The following PTPRT variants were observed in gnomAD, a reference collection of about 807,000 sequenced individuals.
PTPRT encodes receptor-type tyrosine-protein phosphatase T.
A neutral mutation model predicts 176.8 loss-of-function variants in PTPRT; 56 were observed. The ratio of observed to expected loss-of-function variants is 0.32; its 90% CI spans 0.26 to 0.40. PTPRT has a LOEUF of 0.40. Among genes scored for constraint, PTPRT ranks in the 10% least tolerant of loss-of-function variants. The probability of loss-of-function intolerance (pLI) is 1.00; values close to 1 mark genes in which losing one functional copy is unlikely to be tolerated. For synonymous variants in PTPRT, 783 were observed against 739.0 expected, an observed-to-expected ratio of 1.06 and a Z score of -0.96; for missense variants, 1,540 against 1,908.2, an observed-to-expected ratio of 0.81 and a Z score of 3.60.
At chr20:42,053,403 A>G in the PTPRT span, among the ~76,000 whole-genome samples, 3 of 152,134 alleles carry the variant, frequency 2.0e-5, no homozygotes, top group Non-Finnish European at 4.4e-5. Flanking sequence ...CCTTGCTATA[A>G]TACCACTGTA....
intron 9 of PTPRT, among the ~76,000 whole-genome samples, chr20:42,362,200 G>A (rs771910331): frequency 2.6e-5 from 4 of 152,262 alleles, no homozygotes; most frequent in African/African-American, 9.6e-5. Flanking sequence ...CAGGGAGGTC[G>A]AGGCTGCGGT....
chr20:42,971,798 G>C (rs1333802106), intron 1 of PTPRT, among the ~76,000 whole-genome samples: 1 of 152,078 alleles, frequency 6.6e-6, no homozygotes. Flanking sequence ...ATATGGGCTA[G>C]AGCAGTCCTG....
In PTPRT at chr20:42,945,652, C is replaced by T. The variant is rs144037646; in HGVS notation, c.89-59720G>A. ...CGGGGTCACTGCCCCTTGTGCTGGACCCAGGGCTCTGTGCTCTGCATCAGA... is the reference window on the plus strand; with the variant it reads ...CGGGGTCACTGCCCCTTGTGCTGGATCCAGGGCTCTGTGCTCTGCATCAGA... On this transcript the variant is annotated intron_variant, in intron 1 of 30. Coordinates refer to ENST00000373187, the MANE Select transcript of PTPRT (RefSeq NM_007050.6). 2.5e-3 allele frequency among the ~76,000 whole-genome samples: 385 copies of T among 152,326 alleles called. 1 individual carries two copies. Among genetic ancestry groups the T allele is most frequent in the Non-Finnish European group, 3.5e-3 (237 of 68,024 alleles).
At chr20:42,991,163 G>A (rs1442770151) in intron 1 of PTPRT, among the ~76,000 whole-genome samples, 1 of 152,140 alleles carries the variant, frequency 6.6e-6, no homozygotes, top group Admixed American at 6.5e-5. Flanking sequence ...GTTAAGGGTT[G>A]TAGTTACATT....
At chr20:42,598,803 C>A (rs138156657) in intron 7 of PTPRT, among the ~76,000 whole-genome samples, 11 of 152,276 alleles carry the variant, frequency 7.2e-5, no homozygotes, top group African/African-American at 2.6e-4. Context: ...CTTAACAGTG[C>A]CTTCTATTGT....
chr20:42,473,072 C>T (rs181875495), intron 7 of PTPRT, among the ~76,000 whole-genome samples: 106 of 152,290 alleles, frequency 7.0e-4, no homozygotes, highest in African/African-American at 2.5e-3. Flanking sequence ...ACCCGCAACA[C>T]CCAGTTTATC....
intron 1 of PTPRT, among the ~76,000 whole-genome samples, chr20:42,928,777 C>A (rs779630293): frequency 2.0e-5 from 3 of 152,194 alleles, no homozygotes; most frequent in Non-Finnish European, 4.4e-5. Flanking sequence ...TGAGAAACGT[C>A]CCTCCCTTCC....
At chr20:42,714,099 C>G (rs1343479105) in intron 6 of PTPRT, among the ~76,000 whole-genome samples, 1 of 152,178 alleles carries the variant, frequency 6.6e-6, no homozygotes, top group Non-Finnish European at 1.5e-5. Flanking sequence ...ATTTCCCATG[C>G]AGCTGTTGGG....
intron 7 of PTPRT, among the ~76,000 whole-genome samples, chr20:42,549,483 C>A (rs2072731248): frequency 6.6e-6 from 1 of 152,044 alleles, no homozygotes; most frequent in South Asian, 2.1e-4. Context: ...AAGAGGGTTA[C>A]TCAATAAAAG....
chr20:42,473,574 C>T (rs776689510), intron 7 of PTPRT, among the ~76,000 whole-genome samples: 3 of 152,118 alleles, frequency 2.0e-5, no homozygotes, highest in Non-Finnish European at 4.4e-5. Context: ...CTCCTAGGCT[C>T]AAGCAATCAT....
At chr20:42,328,832 T>C (rs367933866) in intron 11 of PTPRT, among the ~76,000 whole-genome samples, 171 of 152,290 alleles carry the variant, frequency 1.1e-3, no homozygotes, top group Non-Finnish European at 2.1e-3. Flanking sequence ...AAACAAGAGC[T>C]ATTGCAACTG....
intron 9 of PTPRT, among the ~76,000 whole-genome samples, chr20:42,421,740 T>A (rs1018480769): frequency 1.3e-5 from 2 of 152,090 alleles, no homozygotes; most frequent in Admixed American, 6.5e-5. Flanking sequence ...AAACCCTGAA[T>A]AGCCAACACA....
At chr20:42,796,733 C>A (rs1398149932) in intron 2 of PTPRT, among the ~76,000 whole-genome samples, 2 of 152,202 alleles carry the variant, frequency 1.3e-5, no homozygotes, top group Non-Finnish European at 2.9e-5. Context: ...TGGGCATTCC[C>A]AGCCTCAGCT....
chr20:42,633,400 A>G (rs2074456536), intron 7 of PTPRT, among the ~76,000 whole-genome samples: 1 of 152,118 alleles, frequency 6.6e-6, no homozygotes, highest in South Asian at 2.1e-4. Flanking sequence ...CATAGTTTTT[A>G]AGAAATGTAC....
At chr20:42,109,398 T>TGACA (rs1430340591) in intron 23 of PTPRT, among the ~76,000 whole-genome samples, 3 of 152,164 alleles carry the variant, frequency 2.0e-5, no homozygotes, top group South Asian at 2.1e-4. Context: ...TGGACACCCT[T>TGACA]GACAGGATAC....
chr20:42,251,560 T>C (rs770538686), intron 13 of PTPRT, among the ~76,000 whole-genome samples: 10 of 151,474 alleles, frequency 6.6e-5, no homozygotes, highest in Non-Finnish European at 1.5e-4. Context: ...ACTTGCATAA[T>C]TAAAAAAAAT....
At chr20:42,277,817 C>T (rs572038329) in intron 13 of PTPRT, among the ~76,000 whole-genome samples, 1 of 151,522 alleles carries the variant, frequency 6.6e-6, no homozygotes, top group Non-Finnish European at 1.5e-5. Flanking sequence ...AGAGAACAAT[C>T]CTGACATGTA....
intron 6 of PTPRT, among the ~76,000 whole-genome samples, chr20:42,682,037 C>A (rs1414688318): frequency 3.3e-5 from 5 of 152,176 alleles, no homozygotes; most frequent in Non-Finnish European, 7.3e-5. Context: ...CAGGTACTGA[C>A]CGGGACAGAG....
At position 42,950,063 on chromosome 20, in the gene PTPRT, C is replaced by T. The variant is rs374364487; in HGVS notation, c.89-64131G>A. On this transcript the variant is annotated intron_variant, in intron 1 of 30. Coordinates refer to ENST00000373187, the MANE Select transcript of PTPRT (RefSeq NM_007050.6). ...TCTTTGGGACTCTGTGGCAGCAAAG[C>T]GGTACTGCAAGTGTTATTATAATAA... is the stretch of plus-strand genomic sequence containing the variant. Among the ~76,000 whole-genome samples, 90 of 152,266 alleles carry T rather than the reference C, an allele frequency of 5.9e-4. 1 individual carries two copies. Among genetic ancestry groups the T allele is most frequent in the African/African-American group, 2.0e-3 (82 of 41,544 alleles).
Sources: gnomAD v4.1 joint callset for allele counts (sites outside exome capture counted in the v4.1 genomes callset) on GRCh38, gnomAD v4.1.1 for gene constraint, MANE v1.5 for transcripts, NCBI Gene and HGNC (gene_info 2026-07-23, HGNC 2026-07-21) for gene names.